Variants in SIX1 observed in about 807,000 individuals in gnomAD.
SIX1 encodes SIX homeobox 1.
In SIX1, 11 loss-of-function variants were observed where a neutral mutation model predicts 26.5. That is an observed-to-expected ratio of 0.41 (90% CI 0.26 to 0.69). The LOEUF is 0.69. Ranked by LOEUF, SIX1 falls within the 30% of genes least tolerant of loss-of-function variation. The pLI is 0.28. For missense variants in SIX1, 333 were observed against 365.9 expected, an observed-to-expected ratio of 0.91 and a Z score of 0.73; for synonymous variants, 177 against 166.2, an observed-to-expected ratio of 1.06 and a Z score of -0.50.
rs1339591836 is a variant in SIX1 at position 60,648,581 on chromosome 14, A to G, written c.560+49T>C. ...CGGGGGCGGGAGGGGGCGGAGGAGAAAGGACGGCTTCCTAGGGTCGCCCGA... is the reference window on the plus strand; with the variant it reads ...CGGGGGCGGGAGGGGGCGGAGGAGAGAGGACGGCTTCCTAGGGTCGCCCGA... On this transcript the variant is annotated intron_variant, in intron 1 of 1. Coordinates refer to ENST00000645694, the MANE Select transcript of SIX1 (RefSeq NM_005982.4). The surrounding 1 kb of genome is among the most constrained non-coding windows in gnomAD (Gnocchi z 7.9). 6.5e-7 allele frequency: 1 copy of G among 1,549,392 alleles called. No individual in the cohort carries two copies.
chr14:60,648,727 G>C lies in SIX1; in HGVS notation c.463C>G (p.Arg155Gly). 6.2e-7 allele frequency: 1 copy of C among 1,613,500 alleles called. No individual in the cohort carries two copies. Among genetic ancestry groups the C allele is most frequent in the East Asian group, 2.2e-5 (1 of 44,844 alleles). Residue 155 changes from arginine to glycine, a missense_variant, in exon 1 of 2, where the codon CGG becomes GGG. Around this residue, in one of 3 missense-constraint regions of SIX1, gnomAD observed 199 missense variants for 215.2 expected, o/e 0.92. Transcript: ENST00000645694. This position sits in a 1 kb window ranked among gnomAD's most constrained non-coding sequence, Gnocchi z 7.9. ...HNPYPSPREKRELAEATGLTT... is the reference protein window; with the variant it reads ...HNPYPSPREKGELAEATGLTT... ...AGGCCGGTGGCCTCGGCCAGCTCCC[G>C]CTTCTCACGCGGCGATGGGTAGGGA...
chr14:60,644,332 A>T lies in SIX1; in HGVS notation c.*1951T>A, dbSNP rs1274758905. ...ACCGACTTAATGATCCAAAACACTA[A>T]CAAGGGAGATTGGGACCCTGAGCTC... is the stretch of plus-strand genomic sequence containing the variant. On this transcript the variant is annotated 3_prime_UTR_variant, in exon 2 of 2. Transcript: ENST00000645694. 3 of 152,124 alleles carry T rather than the reference A, an allele frequency of 2.0e-5. No individual in the cohort carries two copies. The highest frequency in any genetic ancestry group is 2.9e-5 in the Non-Finnish European group (2 of 68,038). The allele number at this position is 152,124 out of a possible 1,614,324, so 9.4% of individuals were successfully genotyped here. A position where few individuals can be genotyped will look rare whatever the true frequency, so the allele number is the denominator to read the frequency against.
At position 60,646,163 on chromosome 14, in the gene SIX1, T is replaced by A. The variant is rs1389699235; in HGVS notation, c.*120A>T. ...TTTGTGAAAGTCCACCATTCCTTTA[T>A]GCGCAAACAACTCCAGAAACAAGCT... On this transcript the variant is annotated 3_prime_UTR_variant, in exon 2 of 2. Transcript: ENST00000645694. The A allele has an allele frequency of 3.6e-5, 33 of 925,358 alleles. No homozygotes were observed. The East Asian group carries it at 8.5e-4, about 24-fold the overall frequency. The allele number at this position is 925,358 out of a possible 1,614,324, so 57.3% of individuals were successfully genotyped here.
chr14:60,648,705 C>T lies in SIX1; in HGVS notation c.485G>A (p.Gly162Asp). ...GTTGCTGACCTGGGTGGTGGTGAGG[C>T]CGGTGGCCTCGGCCAGCTCCCGCTT... ...REKRELAEAT[G>D]LTTTQVSNWF... Residue 162 changes from glycine to aspartate, a missense_variant, in exon 1 of 2, where the codon GGC (glycine) becomes GAC (aspartate). Transcript: ENST00000645694. This position sits in a 1 kb window ranked among gnomAD's most constrained non-coding sequence, Gnocchi z 7.9. The T allele has an allele frequency of 1.9e-6, 3 of 1,613,976 alleles. No homozygotes were observed. In the East Asian group the frequency reaches 6.7e-5, roughly 36 times the overall value.
chr14:60,648,587 G>T lies in SIX1; in HGVS notation c.560+43C>A. The T allele has an allele frequency of 1.3e-6, 2 of 1,559,874 alleles. No homozygotes were observed. Among genetic ancestry groups the T allele is most frequent in the Non-Finnish European group, 1.7e-6 (2 of 1,148,896 alleles). ...CGGGAGGGGGCGGAGGAGAAAGGAC[G>T]GCTTCCTAGGGTCGCCCGAGTCGCG... is the stretch of plus-strand genomic sequence containing the variant. On this transcript the variant is annotated intron_variant, in intron 1 of 1. Transcript: ENST00000645694. The surrounding 1 kb of genome is among the most constrained non-coding windows in gnomAD (Gnocchi z 7.9).
rs1163941130 is a variant in SIX1 at position 60,645,646 on chromosome 14, G to GT, written c.*636dup. 1 of 152,032 alleles carries GT rather than the reference G, an allele frequency of 6.6e-6. No individual in the cohort carries two copies. The highest frequency in any genetic ancestry group is 2.1e-4 in the South Asian group (1 of 4,826). 9.4% of individuals were successfully genotyped at this position (152,032 alleles called of 1,614,324 possible). ...AGAGCATTAAGACATTTAGGCACTT[G>GT]TTTTTTCCTCCTAATACTGGTCTTT... is the stretch of plus-strand genomic sequence containing the variant. On this transcript the variant is annotated 3_prime_UTR_variant, in exon 2 of 2. Coordinates refer to ENST00000645694, the MANE Select transcript of SIX1 (RefSeq NM_005982.4). The surrounding 1 kb of genome is among the most constrained non-coding windows in gnomAD (Gnocchi z 4.6).
chr14:60,646,666 G>A (rs1430337559), intron 1 of SIX1, 89 bp from the exon 2 acceptor site: 2 of 892,700 alleles, frequency 2.2e-6, no homozygotes, highest in East Asian at 2.8e-5. Flanking sequence ...GGAGGGAGGG[G>A]AGCTGGAAGG....
chr14:60,649,212 C>G lies in SIX1; in HGVS notation c.-23G>C. 1.3e-6 allele frequency: 2 copies of G among 1,598,606 alleles called. No homozygotes were observed. The highest frequency in any genetic ancestry group is 1.7e-5 in the Admixed American group (1 of 59,580). The stretch of plus-strand genomic sequence containing the variant: ...CATGGCTGGGGCCTGCCGGGGCGCA[C>G]GGCCCAGGCGCACGCGGCAGGGAGC... On this transcript the variant is annotated 5_prime_UTR_variant, in exon 1 of 2. Coordinates refer to ENST00000645694, the MANE Select transcript of SIX1 (RefSeq NM_005982.4). This position sits in a 1 kb window ranked among gnomAD's most constrained non-coding sequence, Gnocchi z 5.1.
rs564212927 is a variant in SIX1, at chr14:60,648,170, G to C, written c.560+460C>G. Among the ~76,000 whole-genome samples the C allele has an allele frequency of 9.3e-4, 141 of 152,346 alleles. No individual in the cohort carries two copies. Among genetic ancestry groups the C allele is most frequent in the African/African-American group, 3.3e-3 (138 of 41,580 alleles). On this transcript the variant is annotated intron_variant, in intron 1 of 1. Coordinates refer to ENST00000645694, the MANE Select transcript of SIX1 (RefSeq NM_005982.4). The surrounding 1 kb of genome is among the most constrained non-coding windows in gnomAD (Gnocchi z 7.9). Reference sequence around the variant, plus strand: ...GAGAGAGCTGTGGAGAACCAGGCGGGAGTGGGGGCAGAGCCAATGTCTCAG... The same window carrying C: ...GAGAGAGCTGTGGAGAACCAGGCGGCAGTGGGGGCAGAGCCAATGTCTCAG...
rs1894896138 is a variant in SIX1, at chr14:60,643,720, G to C, written c.*2563C>G. On this transcript the variant is annotated 3_prime_UTR_variant, in exon 2 of 2. Coordinates refer to ENST00000645694, the MANE Select transcript of SIX1 (RefSeq NM_005982.4). ...ATATCCAGCTTTCTCGCCTCCTCCT[G>C]CTCGCCCCTTTTACCCAGACTGAGC... 6.6e-6 allele frequency: 1 copy of C among 152,144 alleles called. No homozygotes were observed. Among genetic ancestry groups the C allele is most frequent in the Non-Finnish European group, 1.5e-5 (1 of 68,020 alleles). 9.4% of individuals were successfully genotyped at this position (152,144 alleles called of 1,614,324 possible).
chr14:60,649,376 G>C lies in SIX1; in HGVS notation c.-187C>G. On this transcript the variant is annotated 5_prime_UTR_variant, in exon 1 of 2. Coordinates refer to ENST00000645694, the MANE Select transcript of SIX1 (RefSeq NM_005982.4). The surrounding 1 kb of genome is among the most constrained non-coding windows in gnomAD (Gnocchi z 5.1). ...CAAGGAAGAGAAGGCGGAGGAGTAGGGGAGGTTCTGGACACGGAACGGCCG... is the reference window on the plus strand; with the variant it reads ...CAAGGAAGAGAAGGCGGAGGAGTAGCGGAGGTTCTGGACACGGAACGGCCG... The C allele has an allele frequency of 1.7e-6, 1 of 600,022 alleles. No homozygotes were observed. Among genetic ancestry groups the C allele is most frequent in the Non-Finnish European group, 2.9e-6 (1 of 339,192 alleles). The allele number at this position is 600,022 out of a possible 1,614,324, so 37.2% of individuals were successfully genotyped here. A position where few individuals can be genotyped will look rare whatever the true frequency, so the allele number is the denominator to read the frequency against.
Position 60,646,509 on chromosome 14 carries a change from T to C in SIX1, c.629A>G (p.Lys210Arg). The change falls in exon 2 of 2, where the codon AAG (lysine) becomes AGG (arginine). Residue 210 changes from lysine to arginine, a missense_variant. By Grantham distance (26) the Lys-to-Arg change is conservative. Around this residue, in one of 3 missense-constraint regions of SIX1, gnomAD observed 199 missense variants for 215.2 expected, o/e 0.92. Transcript: ENST00000645694. Reference sequence around the variant, plus strand: ...CTCTTCTGAGCTGGACATGAGCGGCTTGCCCCCTTCCAGAGGAGAGAGTTG... The same window carrying C: ...CTCTTCTGAGCTGGACATGAGCGGCCTGCCCCCTTCCAGAGGAGAGAGTTG... The part of the protein sequence containing the change: ...QNQLSPLEGG[K>R]PLMSSSEEEF... 1 of 1,613,332 alleles carries C rather than the reference T, an allele frequency of 6.2e-7. No individual in the cohort carries two copies. Among genetic ancestry groups the C allele is most frequent in the Non-Finnish European group, 8.5e-7 (1 of 1,179,938 alleles).
At position 60,649,300 on chromosome 14, in the gene SIX1, C is replaced by T. The variant is rs1895017711; in HGVS notation, c.-111G>A. On this transcript the variant is annotated 5_prime_UTR_variant, in exon 1 of 2. Transcript: ENST00000645694. The surrounding 1 kb of genome is among the most constrained non-coding windows in gnomAD (Gnocchi z 5.1). The stretch of plus-strand genomic sequence containing the variant: ...GGGCGCGGCTGTTCCTAACCTCCTC[C>T]TTAGGCTTTGCAAAGGCGAAAACCG... 7.3e-6 allele frequency: 7 copies of T among 962,406 alleles called. No individual in the cohort carries two copies. The highest frequency in any genetic ancestry group is 9.2e-6 in the Non-Finnish European group (6 of 652,716). The allele number at this position is 962,406 out of a possible 1,614,324, so 59.6% of individuals were successfully genotyped here. A position where few individuals can be genotyped will look rare whatever the true frequency, so the allele number is the denominator to read the frequency against.
At position 60,649,166 on chromosome 14, in the gene SIX1, G is replaced by A. The variant is rs770093951; in HGVS notation, c.24C>T (p.Gly8=). 2 of 1,609,768 alleles carry A rather than the reference G, an allele frequency of 1.2e-6. No homozygotes were observed. Among genetic ancestry groups the A allele is most frequent in the African/African-American group, 2.7e-5 (2 of 74,934 alleles). MSMLPSF[G]FTQEQVACVC... ...CGCACGCCACTTGCTCCTGCGTAAA[G>A]CCAAACGACGGCAGCATCGACATGG... is the stretch of plus-strand genomic sequence containing the variant. The change falls in exon 1 of 2, where the codon GGC becomes GGT. Residue 8 remains glycine, a synonymous_variant. Coordinates refer to ENST00000645694, the MANE Select transcript of SIX1 (RefSeq NM_005982.4). This position sits in a 1 kb window ranked among gnomAD's most constrained non-coding sequence, Gnocchi z 5.1.
In SIX1 at chr14:60,646,404, T is replaced by C. The variant is rs773902181; in HGVS notation, c.734A>G (p.Asn245Ser). Residue 245 changes from asparagine to serine, a missense_variant, in exon 2 of 2, where the codon AAC (asparagine) becomes AGC (serine). Asn to Ser is a conservative substitution (Grantham distance 46, BLOSUM62 1). Around this residue, in one of 3 missense-constraint regions of SIX1, gnomAD observed 199 missense variants for 215.2 expected, o/e 0.92. Transcript: ENST00000645694. Reference protein sequence around the residue: ...QGNMGHARSSNYSLPGLTASQ... With the variant: ...QGNMGHARSSSYSLPGLTASQ... ...GGCTGTTAAGCCCGGGAGAGAATAGTTTGAGCTCCTGGCGTGGCCCATATT... is the reference window on the plus strand; with the variant it reads ...GGCTGTTAAGCCCGGGAGAGAATAGCTTGAGCTCCTGGCGTGGCCCATATT... The C allele has an allele frequency of 6.2e-7, 1 of 1,613,856 alleles. No individual in the cohort carries two copies. The highest frequency in any genetic ancestry group is 8.5e-7 in the Non-Finnish European group (1 of 1,179,992).
At position 60,646,362 on chromosome 14, in the gene SIX1, C is replaced by G; in HGVS notation, c.776G>C (p.Gly259Ala). Residue 259 changes from glycine to alanine, a missense_variant, in exon 2 of 2, where the codon GGC becomes GCC. This residue lies in a region of SIX1 where 199 missense variants were observed against 215.2 expected (regional missense o/e 0.92). Coordinates refer to ENST00000645694, the MANE Select transcript of SIX1 (RefSeq NM_005982.4). Reference protein sequence around the residue: ...PGLTASQPSHGLQTHQHQLQD... With the variant: ...PGLTASQPSHALQTHQHQLQD... ...GAGCTGATGCTGGTGGGTCTGCAGG[C>G]CGTGACTGGGCTGCGAGGCTGTTAA... 1 of 1,614,030 alleles carries G rather than the reference C, an allele frequency of 6.2e-7. No individual in the cohort carries two copies. The highest frequency in any genetic ancestry group is 8.5e-7 in the Non-Finnish European group (1 of 1,180,006).
rs929146434 is a variant in SIX1, at chr14:60,647,423, G to C, written c.561-846C>G. On this transcript the variant is annotated intron_variant, in intron 1 of 1. Transcript: ENST00000645694. This position sits in a 1 kb window ranked among gnomAD's most constrained non-coding sequence, Gnocchi z 5.1. ...AGGCTGCCAGCGGGCGCGGCGCGCT[G>C]GGGCGTCAGTCCGGGCACTCGGTAC... Among the ~76,000 whole-genome samples the C allele has an allele frequency of 2.0e-5, 3 of 152,184 alleles. No homozygotes were observed. Among genetic ancestry groups the C allele is most frequent in the African/African-American group, 7.2e-5 (3 of 41,444 alleles).
chr14:60,646,665 G>A (rs1428541958), intron 1 of SIX1, 88 bp from the exon 2 acceptor site: 6 of 911,188 alleles, frequency 6.6e-6, no homozygotes, highest in Non-Finnish European at 9.9e-6. Context: ...TGGAGGGAGG[G>A]GAGCTGGAAG....
rs1347222218 is a variant in SIX1, at chr14:60,646,217, A to G, written c.*66T>C. 1.4e-6 allele frequency: 2 copies of G among 1,476,342 alleles called. No individual in the cohort carries two copies. The highest frequency in any genetic ancestry group is 2.8e-5 in the African/African-American group (2 of 71,378). The allele number at this position is 1,476,342 out of a possible 1,614,324, so 91.5% of individuals were successfully genotyped here. A position where few individuals can be genotyped will look rare whatever the true frequency, so the allele number is the denominator to read the frequency against. On this transcript the variant is annotated 3_prime_UTR_variant, in exon 2 of 2. Coordinates refer to ENST00000645694, the MANE Select transcript of SIX1 (RefSeq NM_005982.4). ...AAAATGTTCCTGATTTCTATTTACA[A>G]GTGTCCCTAGTCGCTGCAGTGGTTG...
Sources: allele counts gnomAD v4.1 joint callset (sites outside exome capture counted in the v4.1 genomes callset), GRCh38; gene constraint gnomAD v4.1.1; regional missense constraint gnomAD v4.1.1; non-coding constraint Gnocchi (gnomAD v3.1); transcripts MANE v1.5; gene names NCBI Gene and HGNC (gene_info 2026-07-23, HGNC 2026-07-21).